The following TBXAS1 variants were observed in gnomAD, a reference collection of about 807,000 sequenced individuals.
TBXAS1 encodes the protein thromboxane A synthase 1, also known as thromboxane-A synthase.
Under a neutral mutation model 60.7 loss-of-function variants are expected in TBXAS1, and 48 were observed. The observed-to-expected ratio is 0.79, with a 90% confidence interval of 0.63 to 1.01. TBXAS1 has a LOEUF of 1.01. TBXAS1 is among the 50% of genes least tolerant of loss of function. The probability of loss-of-function intolerance (pLI) is 0.00; values close to 1 mark genes in which losing one functional copy is unlikely to be tolerated. For missense variants in TBXAS1, 685 were observed against 686.3 expected, an observed-to-expected ratio of 1.00 and a Z score of 0.02; for synonymous variants, 287 against 269.7, an observed-to-expected ratio of 1.06 and a Z score of -0.63.
upstream of TBXAS1, among the ~76,000 whole-genome samples, chr7:139,828,995 A>G (rs1798533249): frequency 6.6e-6 from 1 of 152,242 alleles, no homozygotes; most frequent in Non-Finnish European, 1.5e-5. Flanking sequence ...ATAGAGATAG[A>G]TATAGATAGA....
At chr7:139,969,397 G>C (rs1024320593) in intron 9 of TBXAS1, among the ~76,000 whole-genome samples, 1 of 147,018 alleles carries the variant, frequency 6.8e-6, no homozygotes, top group East Asian at 2.0e-4. Flanking sequence ...GCAAGGTTGA[G>C]GATTTGTTCC....
chr7:139,833,583 G>A (rs904194982), intron 1 of TBXAS1, among the ~76,000 whole-genome samples: 3 of 151,644 alleles, frequency 2.0e-5, no homozygotes, highest in Non-Finnish European at 2.9e-5. Context: ...TACTTGGGAG[G>A]CTGAGGCAGG....
chr7:139,952,017 A>G (rs559995938), intron 5 of TBXAS1, among the ~76,000 whole-genome samples: 31 of 150,212 alleles, frequency 2.1e-4, no homozygotes, highest in South Asian at 6.4e-4. Flanking sequence ...AAAGAAAAAG[A>G]AAGGAAGGAA....
chr7:139,828,870 C>T (rs556866965), upstream of TBXAS1, among the ~76,000 whole-genome samples: 12 of 152,308 alleles, frequency 7.9e-5, no homozygotes, highest in South Asian at 1.9e-3. Context: ...TTTGATCAGG[C>T]TGGCGTCTGG....
rs1009780718 is a variant in TBXAS1 at position 139,975,647 on chromosome 7, G to A, written c.1134+13414G>A. Among the ~76,000 whole-genome samples, 8 of 152,166 alleles carry A rather than the reference G, an allele frequency of 5.3e-5. No individual in the cohort carries two copies. The highest frequency in any genetic ancestry group is 5.2e-4 in the Admixed American group (8 of 15,288). On this transcript the variant is annotated intron_variant, in intron 9 of 12. Coordinates refer to ENST00000448866, the MANE Select transcript of TBXAS1 (RefSeq NM_001061.7). This position sits in a 1 kb window ranked among gnomAD's most constrained non-coding sequence, Gnocchi z 4.4. Reference sequence around the variant, plus strand: ...CGCCACAGTGCCCGCATCTTCATTGGTTCACCTTTGCAGGTATCATCTGTG... The same window carrying A: ...CGCCACAGTGCCCGCATCTTCATTGATTCACCTTTGCAGGTATCATCTGTG...
chr7:139,989,570 G>A (rs1812742239), intron 9 of TBXAS1, among the ~76,000 whole-genome samples: 1 of 152,224 alleles, frequency 6.6e-6, no homozygotes, highest in African/African-American at 2.4e-5. Context: ...AAGACACAGG[G>A]AGGACCCCTG....
At chr7:140,018,116 T>C (rs1815248275) in intron 12 of TBXAS1, among the ~76,000 whole-genome samples, 1 of 152,170 alleles carries the variant, frequency 6.6e-6, no homozygotes, top group African/African-American at 2.4e-5. Context: ...CCATTGTTAT[T>C]AGTATTGTTC....
chr7:139,833,691 A>T (rs1798869718), intron 1 of TBXAS1, among the ~76,000 whole-genome samples: 1 of 149,538 alleles, frequency 6.7e-6, no homozygotes, highest in Non-Finnish European at 1.5e-5. Flanking sequence ...TCTCAAAAAA[A>T]TAAAAAAAAG....
chr7:140,015,614 C>G, intron 10 of TBXAS1, 109 bp from the exon 11 acceptor site: 2 of 1,288,162 alleles, frequency 1.6e-6, no homozygotes, highest in African/African-American at 1.5e-5. Flanking sequence ...ACACACCATG[C>G]TGCCTGCCCC....
chr7:139,805,117 G>T (rs1332481445), intron 4 of TBXAS1, among the ~76,000 whole-genome samples: 1 of 152,192 alleles, frequency 6.6e-6, no homozygotes, highest in African/African-American at 2.4e-5. Context: ...TGGTGCTGGG[G>T]GTGTCCTAAC....
chr7:139,845,313 C>T (rs1799723336), intron 1 of TBXAS1, among the ~76,000 whole-genome samples: 1 of 152,136 alleles, frequency 6.6e-6, no homozygotes, highest in South Asian at 2.1e-4. Context: ...ACCTGGTCCC[C>T]TGCCCCTCTG....
rs74347389 is a variant in TBXAS1 at position 139,950,573 on chromosome 7, C to T, written c.451-2795C>T. 7.4e-3 allele frequency among the ~76,000 whole-genome samples: 1,132 copies of T among 152,264 alleles called. 13 individuals carry two copies. Among genetic ancestry groups the T allele is most frequent in the African/African-American group, 0.026 (1,080 of 41,532 alleles). ...TGAGCTGTTGTTCAGCCGTCCATAG[C>T]GCTGTCCAGGCCATTGTCCCTGCCT... is the stretch of plus-strand genomic sequence containing the variant. On this transcript the variant is annotated intron_variant, in intron 5 of 12. Coordinates refer to ENST00000448866, the MANE Select transcript of TBXAS1 (RefSeq NM_001061.7).
intron 9 of TBXAS1, among the ~76,000 whole-genome samples, chr7:139,982,394 T>C (rs1409001020): frequency 6.6e-6 from 1 of 152,028 alleles, no homozygotes; most frequent in Non-Finnish European, 1.5e-5. Flanking sequence ...GGAGGCTGGC[T>C]CTCCTAGGAA....
chr7:140,012,781 C>T (rs1245858493), intron 10 of TBXAS1, among the ~76,000 whole-genome samples: 3 of 152,142 alleles, frequency 2.0e-5, no homozygotes, highest in Admixed American at 6.5e-5. Flanking sequence ...CTCTTGAGAG[C>T]GTGTGCTCAA....
At chr7:139,886,865 C>T (rs1425163931) in intron 3 of TBXAS1, among the ~76,000 whole-genome samples, 2 of 152,166 alleles carry the variant, frequency 1.3e-5, no homozygotes, top group East Asian at 1.9e-4. Context: ...TTAGCTGCTT[C>T]CCCCAAAGGC....
In TBXAS1 at chr7:139,955,140, C is replaced by T. The variant is rs547003098; in HGVS notation, c.540-319C>T. ...AACTATAAAGTGTCCTTCTTAGTAC[C>T]TGGCTGTGTTCTGGTTGACCACAGC... On this transcript the variant is annotated intron_variant, in intron 6 of 12. Transcript: ENST00000448866. Among the ~76,000 whole-genome samples the T allele has an allele frequency of 1.1e-4, 17 of 152,254 alleles. No homozygotes were observed. In the South Asian group the frequency reaches 2.5e-3, roughly 22 times the overall value.
At chr7:139,901,059 G>A (rs953417976) in intron 3 of TBXAS1, among the ~76,000 whole-genome samples, 1 of 152,156 alleles carries the variant, frequency 6.6e-6, no homozygotes, top group Non-Finnish European at 1.5e-5. Flanking sequence ...GATGTAGTGG[G>A]CAGACAAAAG....
intron 3 of TBXAS1, among the ~76,000 whole-genome samples, chr7:139,908,840 A>G (rs1320268884): frequency 6.6e-6 from 1 of 152,136 alleles, no homozygotes; most frequent in Non-Finnish European, 1.5e-5. Context: ...TCCTTCAGCC[A>G]TTCTTTAAGG....
chr7:139,979,482 T>C (rs1324087639), intron 9 of TBXAS1, among the ~76,000 whole-genome samples: 3 of 151,984 alleles, frequency 2.0e-5, no homozygotes, highest in African/African-American at 7.3e-5. Flanking sequence ...ATCCCAGCAC[T>C]TTGGGAGGCG....
Sources: gnomAD v4.1 joint callset for allele counts (sites outside exome capture counted in the v4.1 genomes callset) on GRCh38, gnomAD v4.1.1 for gene constraint, Gnocchi (gnomAD v3.1) non-coding constraint, MANE v1.5 for transcripts, NCBI Gene and HGNC (gene_info 2026-07-23, HGNC 2026-07-21) for gene names.